The following ERC2 variants were observed in gnomAD, a reference collection of about 807,000 sequenced individuals.
The protein encoded by ERC2 is ELKS/RAB6-interacting/CAST family member 2.
A neutral mutation model predicts 114.8 loss-of-function variants in ERC2; 42 were observed. That is an observed-to-expected ratio of 0.37 (90% CI 0.29 to 0.47). The LOEUF is 0.47. ERC2 is among the 20% of genes least tolerant of loss of function. ERC2 has a pLI of 0.99. For synonymous variants in ERC2, 454 were observed against 425.5 expected, an observed-to-expected ratio of 1.07 and a Z score of -0.82; for missense variants, 939 against 1,150.7, an observed-to-expected ratio of 0.82 and a Z score of 2.66.
chr3:56,102,174 C>G (rs9862097), intron 6 of ERC2, among the ~76,000 whole-genome samples: 5,697 of 152,164 alleles, frequency 0.037, 287 homozygotes, highest in African/African-American at 0.11. Flanking sequence ...GGAGGTCAGG[C>G]GAGTGACACA....
intron 7 of ERC2, among the ~76,000 whole-genome samples, chr3:56,069,222 T>C (rs2076616298): frequency 2.0e-5 from 3 of 152,230 alleles, no homozygotes; most frequent in African/African-American, 7.2e-5. Flanking sequence ...ACTGCTTTAG[T>C]TCCTAGCGGT....
At chr3:56,315,561 A>C (rs562375379) in intron 2 of ERC2, among the ~76,000 whole-genome samples, 132 of 152,328 alleles carry the variant, frequency 8.7e-4, no homozygotes, top group African/African-American at 3.1e-3. Context: ...TCAGAAACCC[A>C]TGTATGCATT....
At chr3:56,322,816 G>C (rs574364093) in intron 2 of ERC2, among the ~76,000 whole-genome samples, 91 of 152,138 alleles carry the variant, frequency 6.0e-4, no homozygotes, top group Non-Finnish European at 1.0e-3. Flanking sequence ...GAGAGTCTCT[G>C]CTATGATTTG....
In ERC2 at chr3:56,435,142, A is replaced by ACC; in HGVS notation, c.-136_-135insGG. 1.6e-6 allele frequency: 1 copy of ACC among 626,402 alleles called. No homozygotes were observed. The allele number at this position is 626,402 out of a possible 1,614,324, so 38.8% of individuals were successfully genotyped here. A position where few individuals can be genotyped will look rare whatever the true frequency, so the allele number is the denominator to read the frequency against. ...TCCGTACCAGAAAATAACTCCACTCAGAGATCTACAAAGTGAAAAAAAGAA... is the reference window on the plus strand; with the variant it reads ...TCCGTACCAGAAAATAACTCCACTCACCGAGATCTACAAAGTGAAAAAAAGAA... On this transcript the variant is annotated 5_prime_UTR_variant, in exon 2 of 18. The change creates a premature stop within an existing upstream ORF in the 5' untranslated region. Transcript: ENST00000288221.
chr3:55,655,281 G>A (rs1302845797), intron 17 of ERC2, among the ~76,000 whole-genome samples: 1 of 152,102 alleles, frequency 6.6e-6, no homozygotes, highest in Non-Finnish European at 1.5e-5. Context: ...CCCAAGGACA[G>A]CTTGTACTAC....
At chr3:55,689,146 C>T (rs1301825983) in intron 16 of ERC2, among the ~76,000 whole-genome samples, 1 of 152,186 alleles carries the variant, frequency 6.6e-6, no homozygotes, top group Non-Finnish European at 1.5e-5. Context: ...CTAGGACACG[C>T]TGAGGCAGGG....
At chr3:56,358,135 T>G (rs2058813894) in intron 2 of ERC2, among the ~76,000 whole-genome samples, 1 of 152,140 alleles carries the variant, frequency 6.6e-6, no homozygotes. Context: ...GAAAATGAGT[T>G]TATTGTTGGA....
At chr3:56,057,328 A>G (rs1442998924) in intron 7 of ERC2, among the ~76,000 whole-genome samples, 1 of 152,174 alleles carries the variant, frequency 6.6e-6, no homozygotes, top group African/African-American at 2.4e-5. Flanking sequence ...TACCTATTAA[A>G]TAATAACTCC....
chr3:56,118,423 T>C (rs186668945), intron 6 of ERC2, among the ~76,000 whole-genome samples: 269 of 152,154 alleles, frequency 1.8e-3, no homozygotes, highest in Non-Finnish European at 2.8e-3. Flanking sequence ...TGATATAACA[T>C]GCACAAAGCT....
intron 1 of ERC2, among the ~76,000 whole-genome samples, chr3:56,435,491 T>C (rs769583291): frequency 6.6e-6 from 1 of 152,236 alleles, no homozygotes; most frequent in Non-Finnish European, 1.5e-5. Flanking sequence ...CCCCATGGAA[T>C]TGCCCATCAT....
Position 56,058,509 on chromosome 3 carries a change from G to A in ERC2, c.1641+22308C>T, listed in dbSNP as rs7626402. Among the ~76,000 whole-genome samples, 379 of 152,298 alleles carry A rather than the reference G, an allele frequency of 2.5e-3. 3 individuals are homozygous for A. The highest frequency in any genetic ancestry group is 8.7e-3 in the African/African-American group (362 of 41,566). On this transcript the variant is annotated intron_variant, in intron 7 of 17. Transcript: ENST00000288221. ...TTATGTGTCAATTTGGCTGGACCAC[G>A]ACACCAAGATATTTGGTCAAGCATT...
At chr3:56,284,568 C>A (rs530496066) in intron 3 of ERC2, among the ~76,000 whole-genome samples, 23 of 151,980 alleles carry the variant, frequency 1.5e-4, no homozygotes, top group Non-Finnish European at 2.8e-4. Context: ...GAGGAAGAGG[C>A]AGTTCATGTA....
At chr3:56,311,629 AAATT>A (rs2056586579) in intron 2 of ERC2, among the ~76,000 whole-genome samples, 1 of 151,954 alleles carries the variant, frequency 6.6e-6, no homozygotes. Flanking sequence ...AGAAACATTC[AAATT>A]ATTATTCTCT....
intron 17 of ERC2, among the ~76,000 whole-genome samples, chr3:55,533,527 G>A (rs538714158): frequency 7.9e-5 from 12 of 152,234 alleles, no homozygotes; most frequent in Admixed American, 3.9e-4. Context: ...TCCAAACCCC[G>A]AGTCCACTCC....
chr3:55,897,172 TTAAC>T (rs2063882302), intron 13 of ERC2, among the ~76,000 whole-genome samples: 1 of 152,210 alleles, frequency 6.6e-6, no homozygotes, highest in African/African-American at 2.4e-5. Context: ...TTTGTGTTGT[TTAAC>T]TAAATATTTG....
At chr3:56,192,539 G>A (rs931964352) in intron 3 of ERC2, among the ~76,000 whole-genome samples, 5 of 152,034 alleles carry the variant, frequency 3.3e-5, no homozygotes, top group African/African-American at 1.2e-4. Context: ...AGAAACTGAG[G>A]GTCAGAGAAT....
intron 1 of ERC2, among the ~76,000 whole-genome samples, chr3:56,466,819 T>G (rs1258436925): frequency 1.3e-5 from 2 of 152,018 alleles, no homozygotes; most frequent in African/African-American, 4.8e-5. Context: ...AGGACAAGAG[T>G]GACCATAGGA....
chr3:55,600,879 T>C (rs1193048200), intron 17 of ERC2, among the ~76,000 whole-genome samples: 6 of 152,198 alleles, frequency 3.9e-5, no homozygotes, highest in Non-Finnish European at 8.8e-5. Context: ...GCAGCCTGGG[T>C]GATGAGCTGC....
At chr3:55,860,068 C>T (rs920887346) in intron 14 of ERC2, among the ~76,000 whole-genome samples, 9 of 152,134 alleles carry the variant, frequency 5.9e-5, no homozygotes, top group Admixed American at 2.6e-4. Context: ...GTTTAACTCT[C>T]CCACCCGAAG....
Sources: gnomAD v4.1 joint callset for allele counts (sites outside exome capture counted in the v4.1 genomes callset) on GRCh38, gnomAD v4.1.1 for gene constraint, MANE v1.5 for transcripts, NCBI Gene and HGNC (gene_info 2026-07-23, HGNC 2026-07-21) for gene names.